The following FLI1 variants were observed in gnomAD, a reference collection of about 807,000 sequenced individuals.
The protein encoded by FLI1 is Friend leukemia integration 1 transcription factor.
A neutral mutation model predicts 53.1 loss-of-function variants in FLI1; 13 were observed. The observed-to-expected ratio is 0.24, with a 90% CI of 0.16 to 0.39. FLI1 has a LOEUF of 0.39. Ranked by LOEUF, FLI1 falls within the 10% of genes least tolerant of loss-of-function variation. The pLI is 1.00. For synonymous variants in FLI1, 244 were observed against 236.7 expected, an observed-to-expected ratio of 1.03 and a Z score of -0.28; for missense variants, 424 against 600.5, an observed-to-expected ratio of 0.71 and a Z score of 3.07.
intron 1 of FLI1, among the ~76,000 whole-genome samples, chr11:128,743,321 C>A (rs1426231817): frequency 2.6e-5 from 4 of 151,396 alleles, no homozygotes; most frequent in East Asian, 1.9e-4. Context: ...AGGAGGATTC[C>A]TTGGGCCCAA....
At chr11:128,784,150 G>C (rs1243123486) in intron 5 of FLI1, among the ~76,000 whole-genome samples, 1 of 151,936 alleles carries the variant, frequency 6.6e-6, no homozygotes, top group Non-Finnish European at 1.5e-5. Flanking sequence ...AATATTTTCT[G>C]ATATTGGGCT....
rs1591393739 is a variant in FLI1 at position 128,810,804 on chromosome 11, A to T, written c.1175A>T (p.His392Leu). 1 of 1,613,860 alleles carries T rather than the reference A, an allele frequency of 6.2e-7. No homozygotes were observed. The highest frequency in any genetic ancestry group is 1.1e-5 in the South Asian group (1 of 91,092). The change falls in exon 9 of 9, where the codon CAT (histidine) becomes CTT (leucine). Residue 392 changes from histidine (H) to leucine (L), a missense_variant. His to Leu is a moderately conservative substitution (Grantham distance 99). Coordinates refer to ENST00000527786, the MANE Select transcript of FLI1 (RefSeq NM_002017.5). This position sits in a 1 kb window ranked among gnomAD's most constrained non-coding sequence, Gnocchi z 6.6. Reference protein sequence around the residue: ...PSDISYMPSYHAHQQKVNFVP... With the variant: ...PSDISYMPSYLAHQQKVNFVP... Reference sequence around the variant, plus strand: ...GACATCTCCTACATGCCTTCCTACCATGCCCACCAGCAGAAGGTGAACTTT... The same window carrying T: ...GACATCTCCTACATGCCTTCCTACCTTGCCCACCAGCAGAAGGTGAACTTT...
intron 1 of FLI1, among the ~76,000 whole-genome samples, chr11:128,757,694 C>T (rs1052096106): frequency 6.6e-6 from 1 of 152,186 alleles, no homozygotes; most frequent in Non-Finnish European, 1.5e-5. Context: ...TCTCATCTCC[C>T]CTTCATTGCT....
intron 4 of FLI1, among the ~76,000 whole-genome samples, chr11:128,781,690 T>C (rs1413275853): frequency 6.6e-6 from 1 of 152,196 alleles, no homozygotes; most frequent in Non-Finnish European, 1.5e-5. Context: ...ACTATGAATA[T>C]GGCAGCTTAG....
At chr11:128,741,715 G>A (rs866521428) in intron 1 of FLI1, among the ~76,000 whole-genome samples, 2 of 152,196 alleles carry the variant, frequency 1.3e-5, no homozygotes, top group Non-Finnish European at 2.9e-5. Flanking sequence ...AAGTGTTAAT[G>A]CCTTTGCCCC....
intron 1 of FLI1, among the ~76,000 whole-genome samples, chr11:128,742,745 G>C (rs1481724580): frequency 1.3e-5 from 2 of 152,230 alleles, no homozygotes; most frequent in Admixed American, 1.3e-4. Context: ...CTATGGAAAT[G>C]AATAAGAAGT....
intron 5 of FLI1, among the ~76,000 whole-genome samples, chr11:128,792,901 G>C (rs952182278): frequency 3.9e-5 from 6 of 152,186 alleles, no homozygotes; most frequent in Middle Eastern, 3.4e-3. Flanking sequence ...AGGATCACTT[G>C]AGCCCAGGAG....
At chr11:128,764,825 T>C (rs1835627909) in intron 2 of FLI1, 17 of 1,592,510 alleles carry the variant, frequency 1.1e-5, no homozygotes, top group Non-Finnish European at 1.4e-5. Context: ...GGGCGAGGTA[T>C]GGCTTTCCTT....
intron 4 of FLI1, among the ~76,000 whole-genome samples, chr11:128,777,266 G>A (rs991090039): frequency 6.6e-6 from 1 of 152,172 alleles, no homozygotes; most frequent in African/African-American, 2.4e-5. Context: ...GGGAGGTGGG[G>A]AGGCAGAAAG....
chr11:128,762,570 ATTGAG>A (rs1237388301), intron 2 of FLI1, among the ~76,000 whole-genome samples: 1 of 152,240 alleles, frequency 6.6e-6, no homozygotes, highest in East Asian at 1.9e-4. Context: ...TTTTGGCTAT[ATTGAG>A]TTAACATATT....
At chr11:128,699,158 T>A (rs1254430578) in intron 1 of FLI1, among the ~76,000 whole-genome samples, 1 of 152,236 alleles carries the variant, frequency 6.6e-6, no homozygotes, top group African/African-American at 2.4e-5. Context: ...AGGTCTTGAA[T>A]AACAATTGCA....
At position 128,809,173 on chromosome 11, in the gene FLI1, G is replaced by A. The variant is rs974518707; in HGVS notation, c.798G>A (p.Leu266=). The A allele has an allele frequency of 1.2e-6, 2 of 1,613,808 alleles. No individual in the cohort carries two copies. The highest frequency in any genetic ancestry group is 1.7e-5 in the Admixed American group (1 of 60,002). Reference sequence around the variant, plus strand: ...TTTCCTTAGATCCGTATCAGATCCTGGGCCCGACCAGCAGTCGCCTAGCCA... The same window carrying A: ...TTTCCTTAGATCCGTATCAGATCCTAGGCCCGACCAGCAGTCGCCTAGCCA... ...QRPQPDPYQI[L]GPTSSRLANP... is the part of the protein sequence containing the mutation. Residue 266 remains leucine, a synonymous_variant, in exon 8 of 9, where the codon CTG becomes CTA. Coordinates refer to ENST00000527786, the MANE Select transcript of FLI1 (RefSeq NM_002017.5).
At chr11:128,799,020 ATATTATTATTAT>A (rs751738832) in intron 5 of FLI1, among the ~76,000 whole-genome samples, 1 of 139,348 alleles carries the variant, frequency 7.2e-6, no homozygotes. Flanking sequence ...TTATTTTATT[ATATTATTATTAT>A]TATTATTATT....
intron 1 of FLI1, among the ~76,000 whole-genome samples, chr11:128,740,383 A>G (rs1039213419): frequency 6.6e-6 from 1 of 152,212 alleles, no homozygotes; most frequent in Non-Finnish European, 1.5e-5. Context: ...GTCATGACCC[A>G]TGAGAGTCCT....
chr11:128,811,894 T>A lies in FLI1; in HGVS notation c.*906T>A, dbSNP rs1014568389. ...GTATTAAAAATAAATAATTAAAAATTAAGAATAAATAAACGAGTTGACCTC... is the reference window on the plus strand; with the variant it reads ...GTATTAAAAATAAATAATTAAAAATAAAGAATAAATAAACGAGTTGACCTC... On this transcript the variant is annotated 3_prime_UTR_variant, in exon 9 of 9. Coordinates refer to ENST00000527786, the MANE Select transcript of FLI1 (RefSeq NM_002017.5). 1.0e-5 allele frequency: 2 copies of A among 196,594 alleles called. No individual in the cohort carries two copies. Among genetic ancestry groups the A allele is most frequent in the African/African-American group, 4.6e-5 (2 of 43,168 alleles). The allele number at this position is 196,594 out of a possible 1,614,324, so 12.2% of individuals were successfully genotyped here.
At chr11:128,807,582 A>G (rs545261283) in intron 7 of FLI1, among the ~76,000 whole-genome samples, 3 of 152,324 alleles carry the variant, frequency 2.0e-5, no homozygotes, top group African/African-American at 7.2e-5. Flanking sequence ...GATCCCCCAA[A>G]TTCCTGTCCA....
chr11:128,711,909 G>A (rs1938797003), intron 1 of FLI1, among the ~76,000 whole-genome samples: 1 of 152,164 alleles, frequency 6.6e-6, no homozygotes, highest in Non-Finnish European at 1.5e-5. Context: ...TAAAGTGGTA[G>A]TCTTTGTCTT....
intron 3 of FLI1, among the ~76,000 whole-genome samples, chr11:128,769,924 C>T (rs1397691687): frequency 6.6e-6 from 1 of 152,162 alleles, no homozygotes; most frequent in Non-Finnish European, 1.5e-5. Context: ...TTTGTACAGC[C>T]CAAAGCAAAG....
chr11:128,747,400 C>T (rs1377935336), intron 1 of FLI1, among the ~76,000 whole-genome samples: 3 of 152,146 alleles, frequency 2.0e-5, no homozygotes, highest in Admixed American at 2.0e-4. Flanking sequence ...GGTGGCCTTC[C>T]CAGAAGCAGC....
Sources: gnomAD v4.1 joint callset for allele counts (sites outside exome capture counted in the v4.1 genomes callset) on GRCh38, gnomAD v4.1.1 for gene constraint, Gnocchi (gnomAD v3.1) non-coding constraint, MANE v1.5 for transcripts, NCBI Gene and HGNC (gene_info 2026-07-23, HGNC 2026-07-21) for gene names.